MNDA: variants seen among roughly 807,000 people sequenced by gnomAD.
MNDA encodes myeloid cell nuclear differentiation antigen, also known as epididymis secretory sperm binding protein.
In MNDA, 43 loss-of-function variants were observed where a neutral mutation model predicts 37.8. That is an observed-to-expected ratio of 1.14 (90% CI 0.89 to 1.47). The LOEUF (loss-of-function observed/expected upper bound fraction) is 1.47. MNDA is among the 40% of genes most tolerant of loss of function. The probability of loss-of-function intolerance (pLI) is 0.00; values close to 1 mark genes in which losing one functional copy is unlikely to be tolerated. For missense variants in MNDA, 536 were observed against 476.0 expected (o/e 1.13, Z -1.17); for synonymous variants, 181 against 169.0 (o/e 1.07, Z -0.55).
At chr1:158,846,552 G>A (rs1659137629) in intron 5 of MNDA, among the ~76,000 whole-genome samples, 1 of 151,922 alleles carries the variant, frequency 6.6e-6, no homozygotes, top group Non-Finnish European at 1.5e-5. Flanking sequence ...TATGAAGATA[G>A]CATTGAACAA....
In MNDA at chr1:158,845,841, A is replaced by G. The variant is rs770301989; in HGVS notation, c.825A>G (p.Lys275=). 6.2e-7 allele frequency: 1 copy of G among 1,614,074 alleles called. No homozygotes were observed. Among genetic ancestry groups the G allele is most frequent in the East Asian group, 2.2e-5 (1 of 44,898 alleles). Residue 275 remains lysine (K), a synonymous_variant, in exon 5 of 7, where the codon AAA becomes AAG. Coordinates refer to ENST00000368141, the MANE Select transcript of MNDA (RefSeq NM_002432.3). ...VITISDYSEC[K]GVMEIKEASS... is the part of the protein sequence containing the mutation. The stretch of plus-strand genomic sequence containing the variant: ...CCATATCTGATTACTCTGAATGTAA[A>G]GGAGTAATGGAAATAAAGGAAGCAT...
intron 1 of MNDA, 74 bp from the exon 2 acceptor site, chr1:158,842,060 T>C (rs963937871): frequency 5.8e-6 from 8 of 1,376,522 alleles, no homozygotes; most frequent in Non-Finnish European, 7.9e-6. Context: ...GGACACTCAC[T>C]CACAAAAGCA....
At chr1:158,836,445 C>T (rs915464989) in intron 1 of MNDA, among the ~76,000 whole-genome samples, 1 of 151,846 alleles carries the variant, frequency 6.6e-6, no homozygotes, top group African/African-American at 2.4e-5. Flanking sequence ...CTTTATGATT[C>T]AAAATTTGCA....
At chr1:158,832,257 A>G (rs931396971) in intron 1 of MNDA, among the ~76,000 whole-genome samples, 2 of 152,030 alleles carry the variant, frequency 1.3e-5, no homozygotes, top group Non-Finnish European at 1.5e-5. Context: ...GTACATATGA[A>G]TGTTTTCTAA....
chr1:158,834,397 T>A (rs1163751135), intron 1 of MNDA, among the ~76,000 whole-genome samples: 1 of 152,114 alleles, frequency 6.6e-6, no homozygotes, highest in African/African-American at 2.4e-5. Flanking sequence ...CATGCCCGGC[T>A]AATTTTTGTA....
rs1276619835 is a variant in MNDA, at chr1:158,844,078, C to T, written c.526C>T (p.Pro176Ser). Reference protein sequence around the residue: ...TSAAVDHPPLPQTSSSTPSNT... With the variant: ...TSAAVDHPPLSQTSSSTPSNT... Reference sequence around the variant, plus strand: ...TGCAGCTGTGGATCATCCCCCACTACCCCAGACCTCATCATCAACTCCATC... The same window carrying T: ...TGCAGCTGTGGATCATCCCCCACTATCCCAGACCTCATCATCAACTCCATC... Residue 176 changes from proline to serine, a missense_variant, in exon 4 of 7, where the codon CCC becomes TCC. Physicochemically the swap from Pro to Ser is moderately conservative, Grantham distance 74 (BLOSUM62 -1). Coordinates refer to ENST00000368141, the MANE Select transcript of MNDA (RefSeq NM_002432.3). The T allele has an allele frequency of 3.7e-6, 6 of 1,607,998 alleles. No individual in the cohort carries two copies. The highest frequency in any genetic ancestry group is 1.3e-5 in the African/African-American group (1 of 74,542).
In MNDA at chr1:158,843,382, A is replaced by G; in HGVS notation, c.369A>G (p.Thr123=). 1 of 1,611,852 alleles carries G rather than the reference A, an allele frequency of 6.2e-7. No homozygotes were observed. The highest frequency in any genetic ancestry group is 2.2e-5 in the East Asian group (1 of 44,726). The change falls in exon 3 of 7, where the codon ACA becomes ACG. Residue 123 remains threonine (T), a synonymous_variant. Transcript: ENST00000368141. ...CACCCACCGCAAGAAACAAACTGACATCGGAAGCAAGAGGGAGGATTCCTG... is the reference window on the plus strand; with the variant it reads ...CACCCACCGCAAGAAACAAACTGACGTCGGAAGCAAGAGGGAGGATTCCTG... ...APAPTARNKL[T]SEARGRIPVA...
At chr1:158,840,164 A>C (rs1558055845) in intron 1 of MNDA, among the ~76,000 whole-genome samples, 1 of 152,190 alleles carries the variant, frequency 6.6e-6, no homozygotes, top group Admixed American at 6.5e-5. Context: ...ATGCATTAAG[A>C]GTTCTTCAAC....
At chr1:158,844,665 C>T (rs762280405) in intron 4 of MNDA, among the ~76,000 whole-genome samples, 19 of 151,824 alleles carry the variant, frequency 1.3e-4, no homozygotes, top group Non-Finnish European at 2.4e-4. Context: ...AGTCTTTCCA[C>T]TTGTAAAAGC....
chr1:158,843,412 T>C lies in MNDA; in HGVS notation c.399T>C (p.Ala133=). 6.2e-7 allele frequency: 1 copy of C among 1,604,086 alleles called. No homozygotes were observed. The highest frequency in any genetic ancestry group is 8.5e-7 in the Non-Finnish European group (1 of 1,175,896). ...TSEARGRIPV[A]QKRKTPNKEK... ...AAGCAAGAGGGAGGATTCCTGTAGCTCAGGTAAGCTTGAGAAAGAGGAGCA... is the reference window on the plus strand; with the variant it reads ...AAGCAAGAGGGAGGATTCCTGTAGCCCAGGTAAGCTTGAGAAAGAGGAGCA... Residue 133 remains alanine (A), a synonymous_variant, in exon 3 of 7, where the codon GCT becomes GCC. Transcript: ENST00000368141.
chr1:158,845,518 G>A, intron 4 of MNDA, 69 bp from the exon 5 acceptor site: 1 of 1,488,558 alleles, frequency 6.7e-7, no homozygotes. Context: ...AGGATTACAG[G>A]CGTGAGCCAC....
rs112746209 is a variant in MNDA, at chr1:158,845,679, G to A, written c.663G>A (p.Ala221=). Residue 221 remains alanine, a synonymous_variant, in exon 5 of 7, where the codon GCG becomes GCA. Transcript: ENST00000368141. ...PVTVVVLKAT[A]PFKYESPENG... is the part of the protein sequence containing the mutation. ...CAGTGGTGGTACTGAAAGCAACAGC[G>A]CCATTTAAATACGAGTCCCCAGAAA... 1.4e-5 allele frequency: 22 copies of A among 1,614,118 alleles called. No homozygotes were observed. The highest frequency in any genetic ancestry group is 2.2e-5 in the South Asian group (2 of 91,086).
At chr1:158,843,157 A>G in intron 2 of MNDA, 122 bp from the exon 3 acceptor site, 1 of 1,276,848 alleles carries the variant, frequency 7.8e-7, no homozygotes, top group Non-Finnish European at 1.1e-6. Context: ...CAGTAGAGGT[A>G]ACAGGCAAAT....
Position 158,844,121 on chromosome 1 carries a change from C to CG in MNDA, c.570+1dup. ...ACTCCATCCAACACTTCGTTTACTC[C>CG]GGTACACTCTTCCTGGTCCTCTTCT... is the stretch of plus-strand genomic sequence containing the variant. On this transcript the variant is annotated frameshift_variant and splice_region_variant, in exon 4 of 7. Coordinates refer to ENST00000368141, the MANE Select transcript of MNDA (RefSeq NM_002432.3). LOFTEE classifies it high-confidence loss of function. 1 of 1,564,256 alleles carries CG rather than the reference C, an allele frequency of 6.4e-7. No homozygotes were observed. The highest frequency in any genetic ancestry group is 8.7e-7 in the Non-Finnish European group (1 of 1,155,604).
chr1:158,839,700 A>T (rs1658991384), intron 1 of MNDA, among the ~76,000 whole-genome samples: 2 of 152,218 alleles, frequency 1.3e-5, no homozygotes, highest in Admixed American at 6.5e-5. Context: ...TCAAGGGAGA[A>T]AGTTAAACAG....
At chr1:158,848,806 T>A (rs1056928653) in intron 6 of MNDA, among the ~76,000 whole-genome samples, 1 of 152,052 alleles carries the variant, frequency 6.6e-6, no homozygotes, top group African/African-American at 2.4e-5. Context: ...TGTTGGAAAT[T>A]CAGGAATTAT....
At chr1:158,843,560 T>C in intron 3 of MNDA, 145 bp downstream of exon 3, 1 of 918,818 alleles carries the variant, frequency 1.1e-6, no homozygotes, top group Non-Finnish European at 1.5e-6. Context: ...AAGAGTTAGG[T>C]ATCGTAAAAA....
chr1:158,847,949 A>G, intron 6 of MNDA, 33 bp downstream of exon 6: 1 of 1,584,844 alleles, frequency 6.3e-7, no homozygotes, highest in Non-Finnish European at 8.6e-7. Context: ...TGAGTTTGCT[A>G]AAGAGGCAAA....
intron 6 of MNDA, among the ~76,000 whole-genome samples, chr1:158,848,931 T>C (rs1258251281): frequency 6.6e-6 from 1 of 152,138 alleles, no homozygotes; most frequent in African/African-American, 2.4e-5. Flanking sequence ...GGGTAGTTGG[T>C]TAACCAGGAT....
Sources: allele counts gnomAD v4.1 joint callset (sites outside exome capture counted in the v4.1 genomes callset), GRCh38; gene constraint gnomAD v4.1.1; transcripts MANE v1.5; gene names NCBI Gene and HGNC (gene_info 2026-07-23, HGNC 2026-07-21).